SH3D19: variants seen among roughly 807,000 people sequenced by gnomAD.
The protein encoded by SH3D19 is SH3 domain containing 19, also known as SH3 domain-containing protein 19.
SH3D19 carries 58 observed loss-of-function variants against 112.1 expected under a neutral mutation model. That is an observed-to-expected ratio of 0.52 (90% confidence interval 0.42 to 0.64). SH3D19 has a LOEUF of 0.64. SH3D19 is among the 30% of genes least tolerant of loss of function. The pLI, the probability that SH3D19 is intolerant of heterozygous loss-of-function variation, is 0.00. For missense variants in SH3D19, 1,090 were observed against 1,263.4 expected (o/e 0.86, Z 2.08); for synonymous variants, 391 against 448.5 (o/e 0.87, Z 1.62).
At chr4:151,240,270 G>A (rs1770453466) in intron 1 of SH3D19, among the ~76,000 whole-genome samples, 1 of 151,878 alleles carries the variant, frequency 6.6e-6, no homozygotes, top group African/African-American at 2.4e-5. Flanking sequence ...TATTAGCCAG[G>A]AACAGTGGCA....
At chr4:151,156,570 G>C (rs2149792035) in intron 9 of SH3D19, among the ~76,000 whole-genome samples, 1 of 152,228 alleles carries the variant, frequency 6.6e-6, no homozygotes, top group South Asian at 2.1e-4. Context: ...ACAGTCATTG[G>C]GGAAAGCACA....
intron 1 of SH3D19, among the ~76,000 whole-genome samples, chr4:151,257,567 T>A (rs916168338): frequency 1.3e-5 from 2 of 152,150 alleles, no homozygotes; most frequent in Admixed American, 6.6e-5. Flanking sequence ...CTTCTTCTTC[T>A]TCATCATCAT....
At chr4:151,158,261 T>C (rs1224522027) in intron 9 of SH3D19, among the ~76,000 whole-genome samples, 1 of 152,122 alleles carries the variant, frequency 6.6e-6, no homozygotes, top group African/African-American at 2.4e-5. Flanking sequence ...GTCATGGGCT[T>C]CCCATAAAGT....
chr4:151,123,009 G>A (rs1347701239), intron 19 of SH3D19, among the ~76,000 whole-genome samples: 2 of 151,968 alleles, frequency 1.3e-5, no homozygotes, highest in African/African-American at 4.8e-5. Context: ...CTGCCACCAC[G>A]TCCAGCTATT....
At chr4:151,124,810 T>C (rs1579598509) in intron 19 of SH3D19, among the ~76,000 whole-genome samples, 1 of 152,038 alleles carries the variant, frequency 6.6e-6, no homozygotes, top group East Asian at 1.9e-4. Flanking sequence ...ACAACAACAA[T>C]AACAACAACA....
intron 1 of SH3D19, among the ~76,000 whole-genome samples, chr4:151,246,539 C>G (rs936803800): frequency 2.0e-5 from 3 of 152,088 alleles, no homozygotes; most frequent in African/African-American, 7.2e-5. Flanking sequence ...AAAGCTATCT[C>G]CAGGAAATAG....
chr4:151,258,199 C>T (rs943924951), intron 1 of SH3D19, among the ~76,000 whole-genome samples: 4 of 152,216 alleles, frequency 2.6e-5, no homozygotes, highest in African/African-American at 4.8e-5. Context: ...CTTAACACAA[C>T]GCAGACCTAA....
chr4:151,294,642 A>G (rs183881291), intron 1 of SH3D19, among the ~76,000 whole-genome samples: 58 of 152,362 alleles, frequency 3.8e-4, no homozygotes, highest in Admixed American at 1.6e-3. Context: ...CAGTATGTCT[A>G]CGTGCATTCA....
chr4:151,169,020 C>T (rs1293307866), intron 7 of SH3D19, among the ~76,000 whole-genome samples: 7 of 152,114 alleles, frequency 4.6e-5, no homozygotes, highest in Non-Finnish European at 1.0e-4. Context: ...GCATCCAAAA[C>T]GTGCTTGCTG....
chr4:151,297,905 T>C (rs1775811095), intron 1 of SH3D19, among the ~76,000 whole-genome samples: 1 of 152,028 alleles, frequency 6.6e-6, no homozygotes, highest in Non-Finnish European at 1.5e-5. Context: ...AAGAGTAAGA[T>C]AGGAGGATCA....
intron 1 of SH3D19, chr4:151,280,068 G>T (rs1774057184): frequency 7.8e-7 from 1 of 1,274,238 alleles, no homozygotes; most frequent in South Asian, 1.4e-5. Context: ...CAGGGCGGAA[G>T]GAAACCCAGG....
chr4:151,199,658 C>T (rs1764111103), intron 2 of SH3D19, among the ~76,000 whole-genome samples: 1 of 152,140 alleles, frequency 6.6e-6, no homozygotes, highest in African/African-American at 2.4e-5. Flanking sequence ...CAGCTATTCT[C>T]ATCTAGCCTC....
intron 1 of SH3D19, among the ~76,000 whole-genome samples, chr4:151,317,349 A>AG (rs1730089546): frequency 1.3e-5 from 2 of 152,236 alleles, no homozygotes; most frequent in Admixed American, 6.5e-5. Flanking sequence ...AGGCCCAGAA[A>AG]GATGCTATAA....
intron 1 of SH3D19, among the ~76,000 whole-genome samples, chr4:151,235,739 T>C (rs1478651677): frequency 6.6e-6 from 1 of 152,170 alleles, no homozygotes; most frequent in East Asian, 1.9e-4. Context: ...TGAGCTGAGA[T>C]TGCGCCACTG....
intron 1 of SH3D19, among the ~76,000 whole-genome samples, chr4:151,298,178 TA>T (rs1302850579): frequency 3.4e-4 from 43 of 128,226 alleles, no homozygotes; most frequent in African/African-American, 1.1e-3. Context: ...TACAGAATAA[TA>T]AATTTTTTTT....
At position 151,133,416 on chromosome 4, in the gene SH3D19, AC is replaced by A. The variant is rs1395644498; in HGVS notation, c.2487-181del. Among the ~76,000 whole-genome samples the A allele has an allele frequency of 2.0e-5, 3 of 152,210 alleles. No individual in the cohort carries two copies. The East Asian group carries it at 5.8e-4, about 29-fold the overall frequency. ...TTACACTTTTAAGTAACAGATATGAACCTATTCACTCAGAAAGGCTGAAGCT... is the reference window on the plus strand; with the variant it reads ...TTACACTTTTAAGTAACAGATATGAACTATTCACTCAGAAAGGCTGAAGCT... On this transcript the variant is annotated intron_variant, in intron 15 of 19. Transcript: ENST00000604030.
At chr4:151,309,617 A>G (rs766283389) in intron 1 of SH3D19, among the ~76,000 whole-genome samples, 3 of 152,248 alleles carry the variant, frequency 2.0e-5, no homozygotes, top group South Asian at 4.1e-4. Context: ...AAAGGTACTC[A>G]TTACTAACCA....
At chr4:151,148,699 G>A (rs1754391326) in intron 10 of SH3D19, among the ~76,000 whole-genome samples, 1 of 152,140 alleles carries the variant, frequency 6.6e-6, no homozygotes, top group Non-Finnish European at 1.5e-5. Flanking sequence ...GTTCTGAAAG[G>A]ATAGGACAAC....
At chr4:151,226,272 CA>C in intron 1 of SH3D19, 186 bp from the exon 2 acceptor site, 1 of 1,220,264 alleles carries the variant, frequency 8.2e-7, no homozygotes, top group Non-Finnish European at 1.0e-6. Context: ...CAATGAAGGA[CA>C]GGCATAAAAG....
Sources: allele counts gnomAD v4.1 joint callset (sites outside exome capture counted in the v4.1 genomes callset), GRCh38; gene constraint gnomAD v4.1.1; transcripts MANE v1.5; gene names NCBI Gene and HGNC (gene_info 2026-07-23, HGNC 2026-07-21).